KREMEN1: variants seen among roughly 807,000 people sequenced by gnomAD.
The protein encoded by KREMEN1 is kremen protein 1.
Under a neutral mutation model 46.5 loss-of-function variants are expected in KREMEN1, and 30 were observed. That is an observed-to-expected ratio of 0.65 (90% CI 0.48 to 0.88). The LOEUF is 0.88. KREMEN1 is among the 40% of genes least tolerant of loss of function. KREMEN1 has a pLI of 0.00. For missense variants in KREMEN1, 533 were observed against 596.9 expected (o/e 0.89, Z 1.11); for synonymous variants, 214 against 230.6 (o/e 0.93, Z 0.65).
At chr22:29,117,124 G>A (rs180852664) in intron 3 of KREMEN1, among the ~76,000 whole-genome samples, 1 of 152,198 alleles carries the variant, frequency 6.6e-6, no homozygotes, top group Non-Finnish European at 1.5e-5. Flanking sequence ...GTTAGATGGT[G>A]GAATACATTA....
At chr22:29,088,287 G>T (rs1242904775) in intron 1 of KREMEN1, among the ~76,000 whole-genome samples, 2 of 134,860 alleles carry the variant, frequency 1.5e-5, no homozygotes, top group African/African-American at 2.8e-5. Context: ...AATAACGTGC[G>T]CACGCGTGCA....
intron 4 of KREMEN1, among the ~76,000 whole-genome samples, chr22:29,123,154 C>A (rs5752870): frequency 6.6e-6 from 1 of 151,298 alleles, no homozygotes; most frequent in Non-Finnish European, 1.5e-5. Context: ...AAAAAGTTCT[C>A]ACATGAGGCA....
Position 29,142,693 on chromosome 22 carries a change from C to G in KREMEN1, c.*581C>G. 1 of 985,526 alleles carries G rather than the reference C, an allele frequency of 1.0e-6. No individual in the cohort carries two copies. The highest frequency in any genetic ancestry group is 1.1e-4 in the East Asian group (1 of 8,814). 61.0% of individuals were successfully genotyped at this position (985,526 alleles called of 1,614,324 possible). A position where few individuals can be genotyped will look rare whatever the true frequency, so the allele number is the denominator to read the frequency against. The stretch of plus-strand genomic sequence containing the variant: ...CCCCGGCAGCTTTGCTCTCCAGATG[C>G]TGGACTAGGGTGGGCCTCCTTCAGC... On this transcript the variant is annotated 3_prime_UTR_variant, in exon 9 of 9. Coordinates refer to ENST00000400335, the MANE Select transcript of KREMEN1 (RefSeq NM_001039570.3).
chr22:29,153,969 C>CAAA (rs132287), intron 9 of KREMEN1, among the ~76,000 whole-genome samples: 7 of 140,542 alleles, frequency 5.0e-5, no homozygotes, highest in African/African-American at 1.3e-4. Flanking sequence ...GACTTCCTCT[C>CAAA]AAAAAAAAAA....
intron 3 of KREMEN1, among the ~76,000 whole-genome samples, chr22:29,118,897 T>TA (rs1362284850): frequency 1.3e-5 from 2 of 152,154 alleles, no homozygotes; most frequent in African/African-American, 2.4e-5. Flanking sequence ...CCTAACTCAG[T>TA]CCCACAAGAC....
At chr22:29,097,432 C>A (rs1475588047) in intron 2 of KREMEN1, among the ~76,000 whole-genome samples, 2 of 152,170 alleles carry the variant, frequency 1.3e-5, no homozygotes, top group Non-Finnish European at 2.9e-5. Flanking sequence ...ATCTCCATAT[C>A]AGAAGTTGAT....
intron 1 of KREMEN1, among the ~76,000 whole-genome samples, chr22:29,088,193 A>T (rs2037756224): frequency 6.6e-6 from 1 of 152,164 alleles, no homozygotes; most frequent in South Asian, 2.1e-4. Flanking sequence ...ATGGTAGCCT[A>T]ACTTTAAACA....
rs1331866811 is a variant in KREMEN1 at position 29,073,424 on chromosome 22, C to T, written c.97+197C>T. Among the ~76,000 whole-genome samples, 2 of 152,078 alleles carry T rather than the reference C, an allele frequency of 1.3e-5. No individual in the cohort carries two copies. The highest frequency in any genetic ancestry group is 6.5e-5 in the Admixed American group (1 of 15,284). ...GCTACCCCCAGGCCCGTCATCGACG[C>T]CCCCGGGCCCGGTACTGTCCCCCGG... On this transcript the variant is annotated intron_variant, in intron 1 of 8. Transcript: ENST00000400335. The surrounding 1 kb of genome is among the most constrained non-coding windows in gnomAD (Gnocchi z 4.4).
intron 3 of KREMEN1, among the ~76,000 whole-genome samples, chr22:29,100,259 G>A (rs1426564334): frequency 6.6e-6 from 1 of 152,116 alleles, no homozygotes; most frequent in Non-Finnish European, 1.5e-5. Context: ...GGGATTACAG[G>A]CATGTGCCAC....
downstream of KREMEN1, among the ~76,000 whole-genome samples, chr22:29,151,699 TC>T (rs890335366): frequency 2.0e-5 from 3 of 152,090 alleles, no homozygotes; most frequent in South Asian, 4.1e-4. Flanking sequence ...TTTGATTTTT[TC>T]CCCCCAAAAT....
At chr22:29,140,481 C>G (rs1011479860) in intron 8 of KREMEN1, 115 bp downstream of exon 8, 9 of 788,400 alleles carry the variant, frequency 1.1e-5, no homozygotes, top group Non-Finnish European at 1.9e-5. Context: ...TTCCAAAGCC[C>G]TCAGTCCTAG....
chr22:29,131,644 GTATATA>G (rs200141547), intron 5 of KREMEN1, among the ~76,000 whole-genome samples: 2 of 117,602 alleles, frequency 1.7e-5, no homozygotes, highest in East Asian at 2.6e-4. Flanking sequence ...ATATATGTGT[GTATATA>G]TATGTATATA....
chr22:29,103,265 C>T (rs542558415), intron 3 of KREMEN1, among the ~76,000 whole-genome samples: 3 of 152,236 alleles, frequency 2.0e-5, no homozygotes, highest in African/African-American at 7.2e-5. Context: ...CTGAATATAA[C>T]AGACCCAGCA....
Position 29,145,710 on chromosome 22 carries a change from G to A in KREMEN1, c.*3598G>A, listed in dbSNP as rs1037532514. ...GAACCCGAGTGACTTCACCCGCCCT[G>A]TCCCCCACGTCAGGACAGGCTTGAG... On this transcript the variant is annotated 3_prime_UTR_variant, in exon 9 of 9. Transcript: ENST00000400335. 8 of 985,432 alleles carry A rather than the reference G, an allele frequency of 8.1e-6. No homozygotes were observed. In the African/African-American group the frequency reaches 1.2e-4, roughly 15 times the overall value. 61.0% of individuals were successfully genotyped at this position (985,432 alleles called of 1,614,324 possible).
In KREMEN1 at chr22:29,141,984, C is replaced by T. The variant is rs770205804; in HGVS notation, c.1249C>T (p.His417Tyr). The change falls in exon 9 of 9, where the codon CAT (histidine) becomes TAT (tyrosine). Residue 417 changes from histidine to tyrosine, a missense_variant. Transcript: ENST00000400335. ...TGCTTCAGGGGACCTTAGGGATTGTCATCAACCAGGGACTTCGGGGGAAAT... is the reference window on the plus strand; with the variant it reads ...TGCTTCAGGGGACCTTAGGGATTGTTATCAACCAGGGACTTCGGGGGAAAT... Reference protein sequence around the residue: ...VPASGDLRDCHQPGTSGEIWS... With the variant: ...VPASGDLRDCYQPGTSGEIWS... 3.1e-6 allele frequency: 5 copies of T among 1,612,740 alleles called. No homozygotes were observed. Among genetic ancestry groups the T allele is most frequent in the Non-Finnish European group, 3.4e-6 (4 of 1,179,370 alleles).
chr22:29,141,037 A>C (rs1446767171), intron 8 of KREMEN1, among the ~76,000 whole-genome samples: 4 of 152,154 alleles, frequency 2.6e-5, no homozygotes, highest in Non-Finnish European at 4.4e-5. Flanking sequence ...AGCCTCCCTG[A>C]AAATGTATGT....
downstream of KREMEN1, among the ~76,000 whole-genome samples, chr22:29,149,169 C>CTT (rs557993177): frequency 6.9e-6 from 1 of 145,744 alleles, no homozygotes; most frequent in Non-Finnish European, 1.5e-5. Flanking sequence ...ATAATGGCAC[C>CTT]TTTTTTTTTT....
At chr22:29,131,554 ATATATATGTGTG>A (rs1415646288) in intron 5 of KREMEN1, among the ~76,000 whole-genome samples, 59 of 73,216 alleles carry the variant, frequency 8.1e-4, no homozygotes, top group South Asian at 2.2e-3. Context: ...ATATATATAT[ATATATATGTGTG>A]TGTGTGTGTG....
At chr22:29,112,427 G>A (rs1282767697) in intron 3 of KREMEN1, among the ~76,000 whole-genome samples, 1 of 152,164 alleles carries the variant, frequency 6.6e-6, no homozygotes, top group Non-Finnish European at 1.5e-5. Context: ...CCATGGAGGT[G>A]TGTGCAGTAC....
Sources: gnomAD v4.1 joint callset for allele counts (sites outside exome capture counted in the v4.1 genomes callset) on GRCh38, gnomAD v4.1.1 for gene constraint, Gnocchi (gnomAD v3.1) non-coding constraint, MANE v1.5 for transcripts, NCBI Gene and HGNC (gene_info 2026-07-23, HGNC 2026-07-21) for gene names.